Variants in PKNOX1 observed in about 807,000 individuals in gnomAD.
PKNOX1 encodes homeobox protein PKNOX1.
In PKNOX1, 15 loss-of-function variants were observed where a neutral mutation model predicts 51.9. That is an observed-to-expected ratio of 0.29 (90% CI 0.19 to 0.45). The LOEUF is 0.45. Ranked by LOEUF, PKNOX1 falls within the 20% of genes least tolerant of loss-of-function variation. PKNOX1 has a pLI of 1.00. For missense variants in PKNOX1, 462 were observed against 547.5 expected (o/e 0.84, Z 1.56); for synonymous variants, 219 against 211.1 (o/e 1.04, Z -0.32).
chr21:42,992,794 C>A (rs1367604726), intron 1 of PKNOX1, among the ~76,000 whole-genome samples: 1 of 132,454 alleles, frequency 7.5e-6, no homozygotes, highest in East Asian at 2.3e-4. Flanking sequence ...CTGGGGGGTT[C>A]TCTCACAGCA....
intron 10 of PKNOX1, among the ~76,000 whole-genome samples, chr21:43,029,287 T>C (rs1319411344): frequency 6.6e-6 from 1 of 152,164 alleles, no homozygotes; most frequent in Non-Finnish European, 1.5e-5. Flanking sequence ...TTGTTCCCTG[T>C]GGCCTCTGCT....
intron 2 of PKNOX1, 74 bp from the exon 3 acceptor site, chr21:43,007,417 C>A: frequency 7.1e-7 from 1 of 1,401,032 alleles, no homozygotes; most frequent in Non-Finnish European, 1.0e-6. Context: ...ACTCCAACTG[C>A]ATTCCTGTTG....
chr21:43,025,331 C>T (rs1256049393), intron 9 of PKNOX1, among the ~76,000 whole-genome samples: 1 of 152,178 alleles, frequency 6.6e-6, no homozygotes, highest in African/African-American at 2.4e-5. Context: ...GCTACTGTCC[C>T]CAAGCCCCAC....
At chr21:42,987,396 A>ATATATAT (rs1477132985) in intron 1 of PKNOX1, among the ~76,000 whole-genome samples, 4 of 94,092 alleles carry the variant, frequency 4.3e-5, no homozygotes, top group African/African-American at 1.8e-4. Flanking sequence ...AAAAAAAAAA[A>ATATATAT]AAAAAAAAAT....
At chr21:43,020,969 T>C (rs1979726602) in intron 7 of PKNOX1, among the ~76,000 whole-genome samples, 1 of 152,088 alleles carries the variant, frequency 6.6e-6, no homozygotes, top group Non-Finnish European at 1.5e-5. Flanking sequence ...ATTAGCTGGG[T>C]GTGGTGATGC....
intron 8 of PKNOX1, among the ~76,000 whole-genome samples, chr21:43,022,065 G>A (rs959546928): frequency 1.3e-5 from 2 of 152,236 alleles, no homozygotes; most frequent in African/African-American, 4.8e-5. Flanking sequence ...ATCCAGGGCA[G>A]GAGAGAGCAG....
intron 9 of PKNOX1, among the ~76,000 whole-genome samples, chr21:43,025,685 T>G (rs1353780128): frequency 1.3e-5 from 2 of 152,176 alleles, no homozygotes; most frequent in African/African-American, 4.8e-5. Context: ...TTAAATTTAC[T>G]TATTCAGATG....
intron 1 of PKNOX1, among the ~76,000 whole-genome samples, chr21:42,975,183 G>C (rs1202495038): frequency 1.4e-5 from 2 of 147,444 alleles, no homozygotes; most frequent in African/African-American, 2.4e-5. Flanking sequence ...CCTCAGGGCC[G>C]GCGGGGCTGC....
intron 1 of PKNOX1, among the ~76,000 whole-genome samples, chr21:42,982,527 C>T (rs1173999955): frequency 1.3e-5 from 2 of 151,826 alleles, no homozygotes; most frequent in Non-Finnish European, 2.9e-5. Flanking sequence ...GTCGGGAATT[C>T]GAGTCCAGCC....
At chr21:43,026,153 G>A (rs915840303) in intron 9 of PKNOX1, among the ~76,000 whole-genome samples, 2 of 152,170 alleles carry the variant, frequency 1.3e-5, no homozygotes, top group South Asian at 2.1e-4. Context: ...CTGGTGCCCC[G>A]TCACTGCTCA....
intron 4 of PKNOX1, among the ~76,000 whole-genome samples, chr21:43,011,482 G>C (rs891476112): frequency 6.6e-6 from 1 of 152,148 alleles, no homozygotes; most frequent in Non-Finnish European, 1.5e-5. Context: ...TCTTGGTTCC[G>C]TCATCACTGG....
chr21:43,023,709 G>A (rs1979864790), intron 8 of PKNOX1, among the ~76,000 whole-genome samples: 1 of 151,914 alleles, frequency 6.6e-6, no homozygotes, highest in African/African-American at 2.4e-5. Flanking sequence ...CCGCTTCCTG[G>A]GTTCAAGCAA....
chr21:43,019,159 G>A (rs539251135), intron 7 of PKNOX1, among the ~76,000 whole-genome samples: 3 of 150,874 alleles, frequency 2.0e-5, no homozygotes, highest in South Asian at 2.1e-4. Context: ...TTGGGAGGCC[G>A]AGATGGGTGG....
intron 1 of PKNOX1, among the ~76,000 whole-genome samples, chr21:42,995,951 T>A (rs234753): frequency 0.91 from 138,045 of 152,218 alleles, 62,750 homozygotes; most frequent in African/African-American, 0.94. Context: ...CTTATTAAAG[T>A]TAGCAAGGCA....
At chr21:43,004,893 A>G (rs987841746) in intron 2 of PKNOX1, among the ~76,000 whole-genome samples, 6 of 151,982 alleles carry the variant, frequency 3.9e-5, no homozygotes, top group African/African-American at 1.5e-4. Context: ...CTATCTTTGT[A>G]CCTTGCTCGT....
intron 1 of PKNOX1, among the ~76,000 whole-genome samples, chr21:42,995,276 TG>T (rs529479816): frequency 3.2e-4 from 48 of 152,282 alleles, no homozygotes; most frequent in African/African-American, 1.1e-3. Flanking sequence ...TTTGGGTTCC[TG>T]GGTGTGTCCT....
At position 43,018,470 on chromosome 21, in the gene PKNOX1, CCACCCACACACACACA is replaced by C. The variant is rs1413991497; in HGVS notation, c.720+244_720+259del. 6.6e-4 allele frequency among the ~76,000 whole-genome samples: 10 copies of C among 15,156 alleles called. 3 individuals carry two copies. Among genetic ancestry groups the C allele is most frequent in the African/African-American group, 3.0e-3 (10 of 3,370 alleles). The allele number at this position is 15,156 out of a possible 152,430, so 9.9% of individuals were successfully genotyped here. ...AAAAGTCACTCATAACCACCCCCTG[CCACCCACACACACACA>C]CACACACACACACACACACACACAC... On this transcript the variant is annotated intron_variant, in intron 7 of 10. Coordinates refer to ENST00000291547, the MANE Select transcript of PKNOX1 (RefSeq NM_004571.5).
At chr21:43,029,276 C>T (rs1355223820) in intron 10 of PKNOX1, among the ~76,000 whole-genome samples, 1 of 152,114 alleles carries the variant, frequency 6.6e-6, no homozygotes, top group African/African-American at 2.4e-5. Flanking sequence ...CTTGTTTTTG[C>T]TTGTTCCCTG....
rs752476717 is a variant in PKNOX1, at chr21:43,018,170, C to T, written c.660C>T (p.Pro220=). 6.2e-7 allele frequency: 1 copy of T among 1,613,756 alleles called. No individual in the cohort carries two copies. The highest frequency in any genetic ancestry group is 1.1e-5 in the South Asian group (1 of 91,058). Residue 220 remains proline (P), a synonymous_variant, in exon 7 of 11, where the codon CCC becomes CCT. Transcript: ENST00000291547. Reference sequence around the variant, plus strand: ...ATCAGCCTGTCACGGTCGTCACTCCCCAAGGCCAAGTGGTCACACAGACAT... The same window carrying T: ...ATCAGCCTGTCACGGTCGTCACTCCTCAAGGCCAAGTGGTCACACAGACAT... The part of the protein sequence containing the change: ...TVYQPVTVVT[P]QGQVVTQTLS...
Sources: allele counts gnomAD v4.1 joint callset (sites outside exome capture counted in the v4.1 genomes callset), GRCh38; gene constraint gnomAD v4.1.1; transcripts MANE v1.5; gene names NCBI Gene and HGNC (gene_info 2026-07-23, HGNC 2026-07-21).